The following FBXO24 variants were observed in gnomAD, a reference collection of about 807,000 sequenced individuals.
FBXO24 encodes F-box protein 24.
FBXO24 carries 30 observed loss-of-function variants against 63.5 expected under a neutral mutation model. The ratio of observed to expected loss-of-function variants is 0.47; its 90% CI spans 0.35 to 0.64. The LOEUF (loss-of-function observed/expected upper bound fraction) is 0.64, where lower values mean the gene tolerates loss of function less well. FBXO24 is among the 30% of genes least tolerant of loss of function. FBXO24 has a pLI of 0.00. For synonymous variants in FBXO24, 300 were observed against 305.0 expected, an observed-to-expected ratio of 0.98 and a Z score of 0.17; for missense variants, 624 against 763.4, an observed-to-expected ratio of 0.82 and a Z score of 2.15.
chr7:100,599,961 A>G (rs1269532634), intron 8 of FBXO24, 70 bp from the exon 9 acceptor site: 3 of 1,510,268 alleles, frequency 2.0e-6, no homozygotes, highest in Non-Finnish European at 1.8e-6. Flanking sequence ...CTTCCAGTCA[A>G]CCTTTTCCCA....
At chr7:100,587,149 C>G (rs975942188) in intron 1 of FBXO24, among the ~76,000 whole-genome samples, 4 of 152,216 alleles carry the variant, frequency 2.6e-5, no homozygotes, top group African/African-American at 9.7e-5. Context: ...CAAGAGCGAA[C>G]AGCAAGTTCC....
At chr7:100,597,922 GCT>G (rs1802394223) in intron 8 of FBXO24, among the ~76,000 whole-genome samples, 1 of 138,258 alleles carries the variant, frequency 7.2e-6, no homozygotes, top group Non-Finnish European at 1.6e-5. Context: ...ACAGGGTCTT[GCT>G]ATGTTGCCCA....
At position 100,594,723 on chromosome 7, in the gene FBXO24, G is replaced by A. The variant is rs1802220170; in HGVS notation, c.952+182G>A. 6.6e-6 allele frequency among the ~76,000 whole-genome samples: 1 copy of A among 152,198 alleles called. No homozygotes were observed. The highest frequency in any genetic ancestry group is 1.5e-5 in the Non-Finnish European group (1 of 68,044). ...CCCATCACTTTGGGAAACCGAGGCA[G>A]GTGAATCACCTGAGGTCAGGAGTTC... On this transcript the variant is annotated intron_variant, in intron 6 of 9. Coordinates refer to ENST00000241071, the MANE Select transcript of FBXO24 (RefSeq NM_033506.3). The surrounding 1 kb of genome is among the most constrained non-coding windows in gnomAD (Gnocchi z 4.2).
Position 100,590,072 on chromosome 7 carries a change from G to A in FBXO24, c.135G>A (p.Glu45=), listed in dbSNP as rs188195347. ...NPISIQLFPP[E]LVEHIISFLP... ...TTTCCATCCAGTTGTTCCCCCCAGA[G>A]CTGGTGAGTCCTTGGGGAGGGGGAT... The change falls in exon 2 of 10, where the codon GAG becomes GAA. Residue 45 remains glutamate (E), a synonymous_variant. Coordinates refer to ENST00000241071, the MANE Select transcript of FBXO24 (RefSeq NM_033506.3). 2.5e-4 allele frequency: 406 copies of A among 1,613,134 alleles called. 1 individual carries two copies. Among genetic ancestry groups the A allele is most frequent in the Non-Finnish European group, 3.2e-4 (377 of 1,179,466 alleles).
intron 3 of FBXO24, 88 bp from the exon 4 acceptor site, chr7:100,591,579 A>C: frequency 8.2e-7 from 1 of 1,221,516 alleles, no homozygotes; most frequent in Non-Finnish European, 1.2e-6. Context: ...ACTACAAACC[A>C]GCGTGTCTAA....
chr7:100,595,789 C>A, intron 8 of FBXO24, 83 bp downstream of exon 8: 1 of 1,474,262 alleles, frequency 6.8e-7, no homozygotes. Flanking sequence ...TCTCCAGATT[C>A]CACAGAATCC....
chr7:100,596,038 G>A (rs1419477914), intron 8 of FBXO24, among the ~76,000 whole-genome samples: 1 of 152,142 alleles, frequency 6.6e-6, no homozygotes, highest in Non-Finnish European at 1.5e-5. Context: ...GACACTTTGG[G>A]AGGCCGAGGT....
Position 100,590,218 on chromosome 7 carries a change from C to T in FBXO24, c.183C>T (p.Ala61=). 3 of 1,614,122 alleles carry T rather than the reference C, an allele frequency of 1.9e-6. No homozygotes were observed. The highest frequency in any genetic ancestry group is 2.5e-6 in the Non-Finnish European group (3 of 1,179,994). The change falls in exon 3 of 10, where the codon GCC becomes GCT. Residue 61 remains alanine (A), a synonymous_variant. Transcript: ENST00000241071. ...TCCTCCCAGTCAGAGACCTTGTTGCCCTCGGCCAGACCTGCCGCTACTTCC... is the reference window on the plus strand; with the variant it reads ...TCCTCCCAGTCAGAGACCTTGTTGCTCTCGGCCAGACCTGCCGCTACTTCC... ...ISFLPVRDLV[A]LGQTCRYFHE... is the part of the protein sequence containing the mutation.
In FBXO24 at chr7:100,600,631, C is replaced by G; in HGVS notation, c.1475C>G (p.Pro492Arg). The G allele has an allele frequency of 6.2e-7, 1 of 1,613,800 alleles. No individual in the cohort carries two copies. Among genetic ancestry groups the G allele is most frequent in the African/African-American group, 1.3e-5 (1 of 75,042 alleles). ...IEQHAPYRHL[P>R]ASRVVGTPEP... ...CAGCACGCCCCCTATCGCCACCTGC[C>G]AGCCAGCAGGGTGGTGGGGACTCCT... The change falls in exon 10 of 10, where the codon CCA becomes CGA. Residue 492 changes from proline (P) to arginine (R), a missense_variant. This residue lies in a region of FBXO24 where 216 missense variants were observed against 245.2 expected (regional missense o/e 0.88). Coordinates refer to ENST00000241071, the MANE Select transcript of FBXO24 (RefSeq NM_033506.3). The surrounding 1 kb of genome is among the most constrained non-coding windows in gnomAD (Gnocchi z 6.3).
At chr7:100,597,830 C>G (rs1362696589) in intron 8 of FBXO24, among the ~76,000 whole-genome samples, 17 of 151,962 alleles carry the variant, frequency 1.1e-4, no homozygotes, top group Admixed American at 8.5e-4. Context: ...ACCTCCCAAG[C>G]AGCTAGGACT....
In FBXO24 at chr7:100,595,662, C is replaced by T; in HGVS notation, c.1162C>T (p.Gln388Ter). 3.1e-6 allele frequency: 5 copies of T among 1,613,022 alleles called. No individual in the cohort carries two copies. Among genetic ancestry groups the T allele is most frequent in the Non-Finnish European group, 4.2e-6 (5 of 1,179,368 alleles). The stretch of plus-strand genomic sequence containing the variant: ...CATGCAAGGAAATAACAGATACGGG[C>T]AGCTAGGAACAGGGGACAAAATGGA... ...IFMQGNNRYG[Q>*]LGTGDKMDRG... The change falls in exon 8 of 10, where the codon CAG (glutamine) becomes TAG (stop). Residue 388 changes from glutamine (Q) to a stop codon, truncating the protein, a stop_gained. Transcript: ENST00000241071. LOFTEE classifies it high-confidence loss of function.
Position 100,591,910 on chromosome 7 carries a change from G to GC in FBXO24, c.558+9dup. On this transcript the variant is annotated intron_variant, in intron 4 of 9. Coordinates refer to ENST00000241071, the MANE Select transcript of FBXO24 (RefSeq NM_033506.3). ...TGTCGTGGAGCCAAGGATGTGAGTAGCAGAACCCTGGCAGCTGAGAGCCCA... is the reference window on the plus strand; with the variant it reads ...TGTCGTGGAGCCAAGGATGTGAGTAGCCAGAACCCTGGCAGCTGAGAGCCCA... 6.2e-7 allele frequency: 1 copy of GC among 1,613,678 alleles called. No homozygotes were observed. Among genetic ancestry groups the GC allele is most frequent in the Non-Finnish European group, 8.5e-7 (1 of 1,179,556 alleles).
chr7:100,589,967 T>A lies in FBXO24; in HGVS notation c.40-10T>A. 1 of 1,611,398 alleles carries A rather than the reference T, an allele frequency of 6.2e-7. No individual in the cohort carries two copies. Among genetic ancestry groups the A allele is most frequent in the South Asian group, 1.1e-5 (1 of 90,724 alleles). Reference sequence around the variant, plus strand: ...CCCTCATGGGACCCTATGCACCCCTTCTTGGGTAGGTGAAGAGAAGCTGCC... The same window carrying A: ...CCCTCATGGGACCCTATGCACCCCTACTTGGGTAGGTGAAGAGAAGCTGCC... On this transcript the variant is annotated splice_polypyrimidine_tract_variant and intron_variant, in intron 1 of 9. Transcript: ENST00000241071.
chr7:100,593,082 G>A lies in FBXO24; in HGVS notation c.793+65G>A, dbSNP rs945887124. The stretch of plus-strand genomic sequence containing the variant: ...CAGATTCCTCAGACCCTGCTGCAGA[G>A]GAGGGGGAGGGAGGCCCCTCAGACT... On this transcript the variant is annotated intron_variant, in intron 5 of 9. Coordinates refer to ENST00000241071, the MANE Select transcript of FBXO24 (RefSeq NM_033506.3). The A allele has an allele frequency of 5.9e-6, 8 of 1,357,994 alleles. No homozygotes were observed. In the Admixed American group the frequency reaches 1.5e-4, roughly 26 times the overall value. 84.1% of individuals were successfully genotyped at this position (1,357,994 alleles called of 1,614,324 possible).
chr7:100,595,242 G>A lies in FBXO24; in HGVS notation c.1074+19G>A, dbSNP rs200482420. The A allele has an allele frequency of 7.3e-5, 118 of 1,614,038 alleles. No homozygotes were observed. Among genetic ancestry groups the A allele is most frequent in the Non-Finnish European group, 9.5e-5 (112 of 1,179,992 alleles). The stretch of plus-strand genomic sequence containing the variant: ...TGCCAAGGTAGGCTCCTGGAGGGAC[G>A]GGGCAAACCAGAGGGGTGGCGCTGT... On this transcript the variant is annotated intron_variant, in intron 7 of 9. Transcript: ENST00000241071.
Position 100,594,376 on chromosome 7 carries a change from C to T in FBXO24, c.794-7C>T. ...CCTCCCCAACTAATTGCTTCCCCTA[C>T]CCCCAGAGGAAGGAAAGATCTACTC... On this transcript the variant is annotated splice_region_variant and splice_polypyrimidine_tract_variant and intron_variant, in intron 5 of 9. Coordinates refer to ENST00000241071, the MANE Select transcript of FBXO24 (RefSeq NM_033506.3). This position sits in a 1 kb window ranked among gnomAD's most constrained non-coding sequence, Gnocchi z 4.2. 2 of 1,610,310 alleles carry T rather than the reference C, an allele frequency of 1.2e-6. No homozygotes were observed. Among genetic ancestry groups the T allele is most frequent in the Non-Finnish European group, 1.7e-6 (2 of 1,178,390 alleles).
Position 100,600,811 on chromosome 7 carries a change from A to C in FBXO24, c.1655A>C (p.Gln552Pro). 6.2e-7 allele frequency: 1 copy of C among 1,614,150 alleles called. No homozygotes were observed. Among genetic ancestry groups the C allele is most frequent in the Non-Finnish European group, 8.5e-7 (1 of 1,179,994 alleles). Residue 552 changes from glutamine to proline, a missense_variant, in exon 10 of 10, where the codon CAG becomes CCG. Coordinates refer to ENST00000241071, the MANE Select transcript of FBXO24 (RefSeq NM_033506.3). The surrounding 1 kb of genome is among the most constrained non-coding windows in gnomAD (Gnocchi z 6.3). Reference sequence around the variant, plus strand: ...GGGTGGATGCCCCTGATGGCCGCACAGAAGGACTTCTTCTGGGAGGCCCTG... The same window carrying C: ...GGGTGGATGCCCCTGATGGCCGCACCGAAGGACTTCTTCTGGGAGGCCCTG... ...IVGWMPLMAA[Q>P]KDFFWEALDM...
At chr7:100,598,549 G>C (rs1365939854) in intron 8 of FBXO24, among the ~76,000 whole-genome samples, 8 of 152,142 alleles carry the variant, frequency 5.3e-5, no homozygotes, top group Non-Finnish European at 1.2e-4. Context: ...ACAGTAATGT[G>C]GTCAGCCTCA....
chr7:100,592,630 T>C (rs1020586327), intron 4 of FBXO24, among the ~76,000 whole-genome samples, 153 bp from the exon 5 acceptor site: 2 of 152,132 alleles, frequency 1.3e-5, no homozygotes, highest in African/African-American at 4.8e-5. Flanking sequence ...GTCTTTCCTA[T>C]GACTTCTGCC....
Sources: gnomAD v4.1 joint callset for allele counts (sites outside exome capture counted in the v4.1 genomes callset) on GRCh38, gnomAD v4.1.1 for gene constraint, gnomAD v4.1.1 regional missense constraint, Gnocchi (gnomAD v3.1) non-coding constraint, MANE v1.5 for transcripts, NCBI Gene and HGNC (gene_info 2026-07-23, HGNC 2026-07-21) for gene names.